The following DDX19A variants were observed in gnomAD, a reference collection of about 807,000 sequenced individuals.
The protein encoded by DDX19A is DEAD-box helicase 19A.
DDX19A carries 12 observed loss-of-function variants against 60.6 expected under a neutral mutation model. The ratio of observed to expected loss-of-function variants is 0.20; its 90% CI spans 0.13 to 0.32. The LOEUF is 0.32. Among genes scored for constraint, DDX19A ranks in the 10% least tolerant of loss-of-function variants. DDX19A has a pLI of 1.00. For synonymous variants in DDX19A, 206 were observed against 218.2 expected (o/e 0.94, Z 0.49); for missense variants, 337 against 600.6 (o/e 0.56, Z 4.59).
chr16:70,366,777 G>A lies in DDX19A; in HGVS notation c.936G>A (p.Leu312=). The change falls in exon 9 of 12, where the codon CTG becomes CTA. Residue 312 remains leucine, a synonymous_variant. Transcript: ENST00000302243. ...TLDTIKQYYV[L]CSSRDEKFQA... is the part of the protein sequence containing the mutation. ...ATACCATCAAGCAGTACTATGTCCT[G>A]TGCAGCAGCAGAGACGAGAAGTTCC... The A allele has an allele frequency of 1.2e-6, 2 of 1,614,190 alleles. No individual in the cohort carries two copies. The highest frequency in any genetic ancestry group is 1.7e-6 in the Non-Finnish European group (2 of 1,180,024).
At chr16:70,367,285 C>T (rs940896028) in intron 9 of DDX19A, among the ~76,000 whole-genome samples, 5 of 151,580 alleles carry the variant, frequency 3.3e-5, no homozygotes, top group African/African-American at 7.3e-5. Context: ...AAAATTAGCG[C>T]GGCGTGGTGG....
chr16:70,360,864 A>C (rs1276115413), intron 4 of DDX19A: 1 of 156,412 alleles, frequency 6.4e-6, no homozygotes, highest in African/African-American at 2.4e-5. Flanking sequence ...TGAGCCTCCC[A>C]CCTCAGCCTC....
chr16:70,357,637 G>A (rs1441892235), intron 4 of DDX19A, among the ~76,000 whole-genome samples: 1 of 151,594 alleles, frequency 6.6e-6, no homozygotes. Flanking sequence ...GCCCGCCTCG[G>A]CCTCCCAAAG....
At position 70,366,510 on chromosome 16, in the gene DDX19A, A is replaced by T. The variant is rs542815077; in HGVS notation, c.783-114A>T. 4.2e-6 allele frequency: 6 copies of T among 1,428,784 alleles called. No individual in the cohort carries two copies. In the South Asian group the frequency reaches 6.4e-5, roughly 15 times the overall value. 88.5% of individuals were successfully genotyped at this position (1,428,784 alleles called of 1,614,324 possible). On this transcript the variant is annotated intron_variant, in intron 8 of 11. Transcript: ENST00000302243. ...AGGCCTGCTGCTCCTCCTCCCCAAGATGCTCCTCCCCCATCAGCCTTCCTG... is the reference window on the plus strand; with the variant it reads ...AGGCCTGCTGCTCCTCCTCCCCAAGTTGCTCCTCCCCCATCAGCCTTCCTG...
At chr16:70,370,144 G>A in intron 9 of DDX19A, 79 bp from the exon 10 acceptor site, 1 of 1,500,190 alleles carries the variant, frequency 6.7e-7, no homozygotes, top group Non-Finnish European at 8.9e-7. Flanking sequence ...ATCACCCTGA[G>A]TGACAGCAAG....
chr16:70,357,268 A>T (rs1200419825), intron 4 of DDX19A, among the ~76,000 whole-genome samples: 5 of 118,958 alleles, frequency 4.2e-5, no homozygotes, highest in East Asian at 2.2e-4. Flanking sequence ...CAAAAAAAAA[A>T]AAATATATAT....
rs765618719 is a variant in DDX19A, at chr16:70,347,025, G to T, written c.34G>T (p.Glu12Ter). ...CGACTCGTGGGCCCTGGCGGTGGAC[G>T]AGCAGGAAGCGGCTGTCAAGTCGGT... Reference protein sequence around the residue: ...ATDSWALAVDEQEAAVKSMTN... With the variant: ...ATDSWALAVD Residue 12 changes from glutamate (E) to a stop codon, truncating the protein, a stop_gained, in exon 1 of 12, where the codon GAG becomes TAG. Transcript: ENST00000302243. LOFTEE classifies it high-confidence loss of function. 6.2e-7 allele frequency: 1 copy of T among 1,612,652 alleles called. No homozygotes were observed. The highest frequency in any genetic ancestry group is 1.7e-5 in the Admixed American group (1 of 59,904).
At chr16:70,368,240 C>T (rs1181212692) in intron 9 of DDX19A, among the ~76,000 whole-genome samples, 1 of 152,002 alleles carries the variant, frequency 6.6e-6, no homozygotes, top group African/African-American at 2.4e-5. Context: ...AAATATAATC[C>T]ACGTTCTCCT....
intron 2 of DDX19A, 113 bp downstream of exon 2, chr16:70,350,718 A>G: frequency 1.3e-6 from 1 of 752,458 alleles, no homozygotes; most frequent in Non-Finnish European, 2.2e-6. Context: ...AGCTGTTTAC[A>G]AGCCAGTGAA....
intron 2 of DDX19A, among the ~76,000 whole-genome samples, chr16:70,350,846 A>AAATT (rs1375497335): frequency 2.1e-5 from 3 of 142,824 alleles, no homozygotes; most frequent in South Asian, 2.2e-4. Flanking sequence ...ATATTTTGGC[A>AAATT]AATTATTTAT....
chr16:70,366,397 T>C (rs1236950302), intron 8 of DDX19A, 135 bp downstream of exon 8: 5 of 1,389,530 alleles, frequency 3.6e-6, no homozygotes, highest in South Asian at 1.3e-5. Flanking sequence ...TGACGGGCCA[T>C]TTCCATGTCA....
In DDX19A at chr16:70,349,685, T is replaced by C. The variant is rs572467511; in HGVS notation, c.58-872T>C. On this transcript the variant is annotated intron_variant, in intron 1 of 11. Coordinates refer to ENST00000302243, the MANE Select transcript of DDX19A (RefSeq NM_018332.5). The stretch of plus-strand genomic sequence containing the variant: ...CAAAGCATTATCAAGGGCATGGTCC[T>C]TGCACTCTGGAGTTTAAAATCTAGC... Among the ~76,000 whole-genome samples, 9 of 152,332 alleles carry C rather than the reference T, an allele frequency of 5.9e-5. No homozygotes were observed. The South Asian group carries it at 1.9e-3, about 32-fold the overall frequency.
chr16:70,355,861 C>A, intron 3 of DDX19A: 1 of 586,444 alleles, frequency 1.7e-6, no homozygotes, highest in Non-Finnish European at 3.0e-6. Context: ...ACTTGGGAGG[C>A]TGAGGTGGGA....
intron 2 of DDX19A, among the ~76,000 whole-genome samples, chr16:70,352,662 A>G (rs1274474596): frequency 7.4e-6 from 1 of 134,494 alleles, no homozygotes; most frequent in East Asian, 2.3e-4. Context: ...TTTTGAGATG[A>G]AGTTTCACTC....
At chr16:70,358,264 C>G (rs756414488) in intron 4 of DDX19A, among the ~76,000 whole-genome samples, 5 of 152,160 alleles carry the variant, frequency 3.3e-5, no homozygotes, top group Non-Finnish European at 7.3e-5. Context: ...CTCCTGGCCT[C>G]AAGCGATCTG....
At chr16:70,366,950 A>G (rs753705305) in intron 9 of DDX19A, 89 bp downstream of exon 9, 18 of 1,479,892 alleles carry the variant, frequency 1.2e-5, no homozygotes, top group East Asian at 2.3e-5. Context: ...CCTGAGCGCC[A>G]TGGAAAGAAG....
At chr16:70,347,115 G>A in intron 1 of DDX19A, 67 bp downstream of exon 1, 2 of 1,520,950 alleles carry the variant, frequency 1.3e-6, no homozygotes, top group Non-Finnish European at 1.8e-6. Flanking sequence ...CAAAAGCACA[G>A]GGAGCTCCCC....
Position 70,346,928 on chromosome 16 carries a change from A to C in DDX19A, c.-64A>C. On this transcript the variant is annotated 5_prime_UTR_variant, in exon 1 of 12. Coordinates refer to ENST00000302243, the MANE Select transcript of DDX19A (RefSeq NM_018332.5). ...GCATTCTCGCGCCGGTGGCGAGGTT[A>C]GGGCCCGCGTTGCGACGTGGTGCAG... The C allele has an allele frequency of 1.2e-4, 179 of 1,473,526 alleles. No homozygotes were observed. The highest frequency in any genetic ancestry group is 1.5e-4 in the Non-Finnish European group (163 of 1,071,460). The allele number at this position is 1,473,526 out of a possible 1,614,324, so 91.3% of individuals were successfully genotyped here.
chr16:70,370,620 C>A, intron 10 of DDX19A: 1 of 550,688 alleles, frequency 1.8e-6, no homozygotes, highest in Non-Finnish European at 2.9e-6. Context: ...TGCTTGAACC[C>A]TGGAGACAGA....
Sources: gnomAD v4.1 joint callset for allele counts (sites outside exome capture counted in the v4.1 genomes callset) on GRCh38, gnomAD v4.1.1 for gene constraint, MANE v1.5 for transcripts, NCBI Gene and HGNC (gene_info 2026-07-23, HGNC 2026-07-21) for gene names.